Variants in SORBS2 observed in about 807,000 individuals in gnomAD.
The protein encoded by SORBS2 is sorbin and SH3 domain-containing protein 2.
Under a neutral mutation model 97.7 loss-of-function variants are expected in SORBS2, and 46 were observed. The observed-to-expected ratio is 0.47, with a 90% confidence interval of 0.37 to 0.60. The LOEUF (loss-of-function observed/expected upper bound fraction) is 0.60. SORBS2 is among the 20% of genes least tolerant of loss of function. SORBS2 has a pLI of 0.00. For synonymous variants in SORBS2, 476 were observed against 473.4 expected, an observed-to-expected ratio of 1.01 and a Z score of -0.07; for missense variants, 1,316 against 1,282.3, an observed-to-expected ratio of 1.03 and a Z score of -0.40.
intron 3 of SORBS2, among the ~76,000 whole-genome samples, chr4:185,648,067 T>A (rs2097245093): frequency 6.6e-6 from 1 of 152,124 alleles, no homozygotes; most frequent in South Asian, 2.1e-4. Context: ...ACGATGTGTG[T>A]GTTTTGGTGG....
At chr4:185,665,930 T>C in intron 4 of SORBS2, 1 of 1,221,726 alleles carries the variant, frequency 8.2e-7, no homozygotes, top group Non-Finnish European at 1.0e-6. Flanking sequence ...AGAGAGCCTG[T>C]GTCGTGGCTG....
In SORBS2 at chr4:185,607,528, G is replaced by A. The variant is rs771250943; in HGVS notation, c.2796+4252C>T. ...AGATATCTAGATTTGAAGGTATTTT[G>A]CTGAAATTTAAATACATAAAATCAT... is the stretch of plus-strand genomic sequence containing the variant. On this transcript the variant is annotated intron_variant, in intron 12 of 14. Coordinates refer to ENST00000418609, the Ensembl canonical transcript of SORBS2. This position sits in a 1 kb window ranked among gnomAD's most constrained non-coding sequence, Gnocchi z 5.2. Among the ~76,000 whole-genome samples the A allele has an allele frequency of 4.6e-5, 7 of 152,096 alleles. No homozygotes were observed. Among genetic ancestry groups the A allele is most frequent in the Non-Finnish European group, 8.8e-5 (6 of 68,018 alleles).
At chr4:185,879,227 T>A (rs1255370774) in intron 1 of SORBS2, among the ~76,000 whole-genome samples, 1 of 142,562 alleles carries the variant, frequency 7.0e-6, no homozygotes, top group East Asian at 2.1e-4. Flanking sequence ...TGTCCATGTG[T>A]TCTCATTGTT....
chr4:185,855,021 T>G (rs1028013093), intron 1 of SORBS2, among the ~76,000 whole-genome samples: 2 of 152,228 alleles, frequency 1.3e-5, no homozygotes, highest in Non-Finnish European at 2.9e-5. Flanking sequence ...TATATTTATA[T>G]ACACACTTAA....
At chr4:185,929,265 C>T (rs1472068414) in intron 1 of SORBS2, among the ~76,000 whole-genome samples, 1 of 152,148 alleles carries the variant, frequency 6.6e-6, no homozygotes, top group Non-Finnish European at 1.5e-5. Flanking sequence ...GTGACCCAGG[C>T]TTCCACAAGC....
chr4:185,843,856 A>G (rs978210108), intron 1 of SORBS2, among the ~76,000 whole-genome samples: 2 of 152,188 alleles, frequency 1.3e-5, no homozygotes, highest in African/African-American at 4.8e-5. Context: ...CTATTTTTTG[A>G]AATGGGAAAT....
Position 185,649,671 on chromosome 4 carries a change from A to G in SORBS2, c.92-15T>C, listed in dbSNP as rs73030042. On this transcript the variant is annotated splice_polypyrimidine_tract_variant and intron_variant, in intron 2 of 14. Transcript: ENST00000418609. ...GTTGTACAGACCTATCATGACAAAA[A>G]ACAAAAGCAGACAAAAAACAGAAGC... The G allele has an allele frequency of 6.7e-3, 9,095 of 1,353,068 alleles. 489 individuals carry two copies. In the African/African-American group the frequency reaches 0.12, roughly 18 times the overall value. The allele number at this position is 1,353,068 out of a possible 1,614,324, so 83.8% of individuals were successfully genotyped here.
chr4:185,913,431 A>G (rs147724768), intron 1 of SORBS2, among the ~76,000 whole-genome samples: 1 of 152,320 alleles, frequency 6.6e-6, no homozygotes, highest in Non-Finnish European at 1.5e-5. Flanking sequence ...TTTAAAAAAG[A>G]TTTTACCAAA....
intron 1 of SORBS2, among the ~76,000 whole-genome samples, chr4:185,866,214 C>G (rs2099226802): frequency 6.6e-6 from 1 of 152,142 alleles, no homozygotes; most frequent in Non-Finnish European, 1.5e-5. Flanking sequence ...CCCTGAGTAC[C>G]AGTGCTGAGA....
chr4:185,673,323 G>A (rs2097746064), intron 4 of SORBS2, among the ~76,000 whole-genome samples: 1 of 152,132 alleles, frequency 6.6e-6, no homozygotes, highest in Non-Finnish European at 1.5e-5. Flanking sequence ...CATGTTAAAT[G>A]TTCTTACCAA....
intron 1 of SORBS2, among the ~76,000 whole-genome samples, chr4:185,794,354 G>A (rs1471186150): frequency 9.9e-5 from 15 of 152,256 alleles, no homozygotes; most frequent in Non-Finnish European, 8.8e-5. Context: ...TGCTATTCAG[G>A]GAGGCAAGGT....
intron 2 of SORBS2, among the ~76,000 whole-genome samples, chr4:185,700,687 A>G (rs2098248281): frequency 6.6e-6 from 1 of 152,178 alleles, no homozygotes; most frequent in South Asian, 2.1e-4. Flanking sequence ...TGTCATCAGA[A>G]AGAATGAAAA....
In SORBS2 at chr4:185,599,656, C is replaced by T. The variant is rs185683929; in HGVS notation, c.2797-5721G>A. 2.8e-3 allele frequency among the ~76,000 whole-genome samples: 430 copies of T among 152,232 alleles called. 1 individual carries two copies. Among genetic ancestry groups the T allele is most frequent in the Non-Finnish European group, 4.6e-3 (311 of 68,012 alleles). On this transcript the variant is annotated intron_variant, in intron 12 of 14. Transcript: ENST00000418609. ...AACAGTTTTTTCTTTGCAGGAGAAACGGTGACTAGAAAGCAGTGATTTAGT... is the reference window on the plus strand; with the variant it reads ...AACAGTTTTTTCTTTGCAGGAGAAATGGTGACTAGAAAGCAGTGATTTAGT...
At chr4:185,858,000 G>A (rs765850699) in intron 1 of SORBS2, among the ~76,000 whole-genome samples, 1 of 152,098 alleles carries the variant, frequency 6.6e-6, no homozygotes, top group Non-Finnish European at 1.5e-5. Flanking sequence ...TGAAGTATGT[G>A]ATCTCTGTGA....
intron 1 of SORBS2, chr4:185,933,341 T>G (rs1214568716): frequency 6.6e-6 from 1 of 152,200 alleles, no homozygotes; most frequent in Non-Finnish European, 1.5e-5. Flanking sequence ...AGTACAACAG[T>G]GTTTGAATCA....
intron 1 of SORBS2, among the ~76,000 whole-genome samples, chr4:185,841,478 A>T (rs546322957): frequency 1.3e-5 from 2 of 152,304 alleles, no homozygotes; most frequent in East Asian, 3.9e-4. Flanking sequence ...TCTGTATTGA[A>T]GGTGCCAGAG....
rs1217394123 is a variant in SORBS2 at position 185,607,867 on chromosome 4, T to C, written c.2796+3913A>G. Among the ~76,000 whole-genome samples the C allele has an allele frequency of 1.3e-5, 2 of 152,036 alleles. No homozygotes were observed. The highest frequency in any genetic ancestry group is 4.8e-5 in the African/African-American group (2 of 41,390). ...ATGTCACCAGTACAGCTAATTTTTATATTTTTAGTAGAGACGGGTTTCACC... is the reference window on the plus strand; with the variant it reads ...ATGTCACCAGTACAGCTAATTTTTACATTTTTAGTAGAGACGGGTTTCACC... On this transcript the variant is annotated intron_variant, in intron 12 of 14. Transcript: ENST00000418609. The surrounding 1 kb of genome is among the most constrained non-coding windows in gnomAD (Gnocchi z 5.2).
chr4:185,792,731 A>G (rs2099086580), intron 1 of SORBS2, among the ~76,000 whole-genome samples: 6 of 152,152 alleles, frequency 3.9e-5, no homozygotes, highest in African/African-American at 1.4e-4. Flanking sequence ...ACTTATAAAT[A>G]ACGGTTTCCA....
At chr4:185,907,842 C>T (rs1203549064) in intron 1 of SORBS2, among the ~76,000 whole-genome samples, 1 of 152,080 alleles carries the variant, frequency 6.6e-6, no homozygotes, top group Non-Finnish European at 1.5e-5. Context: ...TACAAATGTG[C>T]CTTTGGTTTT....
Sources: gnomAD v4.1 joint callset for allele counts (sites outside exome capture counted in the v4.1 genomes callset) on GRCh38, gnomAD v4.1.1 for gene constraint, Gnocchi (gnomAD v3.1) non-coding constraint, MANE v1.5 for transcripts, NCBI Gene and HGNC (gene_info 2026-07-23, HGNC 2026-07-21) for gene names.